ADGRL3: variants seen among roughly 807,000 people sequenced by gnomAD.
The protein encoded by ADGRL3 is adhesion G protein-coupled receptor L3.
In ADGRL3, 62 loss-of-function variants were observed where a neutral mutation model predicts 153.5. The ratio of observed to expected loss-of-function variants is 0.40; its 90% CI spans 0.33 to 0.50. The LOEUF (loss-of-function observed/expected upper bound fraction) is 0.50, where lower values mean the gene tolerates loss of function less well. Ranked by LOEUF, ADGRL3 falls within the 20% of genes least tolerant of loss-of-function variation. The probability of loss-of-function intolerance (pLI) is 0.47; values close to 1 mark genes in which losing one functional copy is unlikely to be tolerated. For synonymous variants in ADGRL3, 710 were observed against 672.5 expected (o/e 1.06, Z -0.86); for missense variants, 1,641 against 1,859.4 (o/e 0.88, Z 2.16).
chr4:61,409,778 A>G (rs2097060857), intron 2 of ADGRL3, among the ~76,000 whole-genome samples: 1 of 152,004 alleles, frequency 6.6e-6, no homozygotes, highest in African/African-American at 2.4e-5. Flanking sequence ...TTGATTTGTA[A>G]GGTTAATCCA....
At chr4:61,442,224 A>T (rs1437740596) in intron 2 of ADGRL3, among the ~76,000 whole-genome samples, 1 of 152,194 alleles carries the variant, frequency 6.6e-6, no homozygotes, top group African/African-American at 2.4e-5. Context: ...GTTATATCTA[A>T]GTTGAACCCT....
chr4:61,825,855 G>T (rs1251656215), intron 9 of ADGRL3, among the ~76,000 whole-genome samples: 1 of 152,114 alleles, frequency 6.6e-6, no homozygotes, highest in African/African-American at 2.4e-5. Context: ...TCATAAAATT[G>T]CTCTGGGGTG....
chr4:61,326,700 G>T (rs2095473597), intron 1 of ADGRL3, among the ~76,000 whole-genome samples: 1 of 151,052 alleles, frequency 6.6e-6, no homozygotes, highest in African/African-American at 2.4e-5. Context: ...CTAAATTTTT[G>T]TTGGAAAATT....
intron 17 of ADGRL3, among the ~76,000 whole-genome samples, chr4:61,959,216 A>G (rs2098978920): frequency 6.6e-6 from 1 of 152,172 alleles, no homozygotes; most frequent in Non-Finnish European, 1.5e-5. Context: ...TTACAGCAGC[A>G]TAAGTTTCAA....
At chr4:61,887,817 C>T (rs1183888751) in intron 9 of ADGRL3, among the ~76,000 whole-genome samples, 2 of 151,846 alleles carry the variant, frequency 1.3e-5, no homozygotes, top group East Asian at 3.9e-4. Context: ...TGCACTCCAG[C>T]TTGGCAACAG....
rs759927990 is a variant in ADGRL3, at chr4:61,912,768, C to T, written c.2112+11C>T. 9 of 1,611,718 alleles carry T rather than the reference C, an allele frequency of 5.6e-6. No homozygotes were observed. The highest frequency in any genetic ancestry group is 3.3e-5 in the South Asian group (3 of 91,030). On this transcript the variant is annotated intron_variant, in intron 13 of 26. Coordinates refer to ENST00000683033, the MANE Select transcript of ADGRL3 (RefSeq NM_001387552.1). Reference sequence around the variant, plus strand: ...AGAGCCTATGTCCAGGTACTTTCTGCGTTTTTATAAATGTGTTAAGTTGTT... The same window carrying T: ...AGAGCCTATGTCCAGGTACTTTCTGTGTTTTTATAAATGTGTTAAGTTGTT...
chr4:61,674,801 T>TG (rs1311924296), intron 5 of ADGRL3, among the ~76,000 whole-genome samples: 1 of 151,978 alleles, frequency 6.6e-6, no homozygotes, highest in Non-Finnish European at 1.5e-5. Flanking sequence ...TCACTTGACT[T>TG]GAAGAGCTTC....
At chr4:61,920,908 C>CG (rs2098765902) in intron 13 of ADGRL3, among the ~76,000 whole-genome samples, 1 of 152,128 alleles carries the variant, frequency 6.6e-6, no homozygotes, top group Admixed American at 6.5e-5. Flanking sequence ...TAGTGTCCAA[C>CG]GATTCTGTGT....
At chr4:61,865,497 A>C (rs186315185) in intron 9 of ADGRL3, among the ~76,000 whole-genome samples, 4 of 152,288 alleles carry the variant, frequency 2.6e-5, no homozygotes, top group Admixed American at 2.0e-4. Flanking sequence ...CTTTATTCTG[A>C]CTGTACCATA....
At chr4:61,903,632 C>T (rs904604608) in intron 11 of ADGRL3, among the ~76,000 whole-genome samples, 11 of 117,370 alleles carry the variant, frequency 9.4e-5, no homozygotes, top group Non-Finnish European at 1.4e-4. Flanking sequence ...TGCTGCTGCA[C>T]TCCAGCTTGG....
intron 1 of ADGRL3, among the ~76,000 whole-genome samples, chr4:61,372,934 G>T (rs537141309): frequency 1.3e-5 from 2 of 151,928 alleles, no homozygotes; most frequent in African/African-American, 2.4e-5. Flanking sequence ...CTCGTGGTGC[G>T]CCCTTTTTTA....
chr4:61,869,699 G>A (rs1439052867), intron 9 of ADGRL3, among the ~76,000 whole-genome samples: 4 of 151,892 alleles, frequency 2.6e-5, no homozygotes, highest in Non-Finnish European at 5.9e-5. Flanking sequence ...AACACTTTGG[G>A]AGGCTGAGGC....
At chr4:61,563,811 C>T (rs573984497) in intron 4 of ADGRL3, among the ~76,000 whole-genome samples, 1 of 152,168 alleles carries the variant, frequency 6.6e-6, no homozygotes, top group African/African-American at 2.4e-5. Context: ...AAATTGAGAC[C>T]ACCCTGGCCA....
intron 4 of ADGRL3, among the ~76,000 whole-genome samples, chr4:61,539,428 G>A (rs143694595): frequency 0.015 from 2,301 of 152,234 alleles, 52 homozygotes; most frequent in African/African-American, 0.052. Flanking sequence ...CATCCCCTAT[G>A]GGTGGCCCTC....
intron 1 of ADGRL3, among the ~76,000 whole-genome samples, chr4:61,244,492 CTCTTA>C (rs1417944349): frequency 6.6e-6 from 1 of 151,884 alleles, no homozygotes; most frequent in African/African-American, 2.4e-5. Context: ...GTGATATGTT[CTCTTA>C]TATGACATGA....
intron 1 of ADGRL3, among the ~76,000 whole-genome samples, chr4:61,288,652 G>C (rs2094042014): frequency 1.3e-5 from 2 of 151,966 alleles, no homozygotes; most frequent in South Asian, 4.1e-4. Flanking sequence ...CAGTTTCTAT[G>C]GTAGGGGCTG....
chr4:61,219,845 C>T (rs1405955602), intron 1 of ADGRL3, among the ~76,000 whole-genome samples: 1 of 152,092 alleles, frequency 6.6e-6, no homozygotes, highest in Non-Finnish European at 1.5e-5. Flanking sequence ...CAGTGGCTCA[C>T]GCCTGTAATC....
At chr4:61,528,316 T>A (rs969466906) in intron 4 of ADGRL3, among the ~76,000 whole-genome samples, 1 of 152,146 alleles carries the variant, frequency 6.6e-6, no homozygotes, top group Admixed American at 6.6e-5. Flanking sequence ...TGTCACTTCC[T>A]CTGGGAAGTC....
chr4:62,023,881 C>G (rs1476079689), intron 21 of ADGRL3, among the ~76,000 whole-genome samples: 1 of 152,130 alleles, frequency 6.6e-6, no homozygotes. Context: ...CAGTATCTCT[C>G]AGGTATGCCT....
Sources: allele counts gnomAD v4.1 joint callset (sites outside exome capture counted in the v4.1 genomes callset), GRCh38; gene constraint gnomAD v4.1.1; transcripts MANE v1.5; gene names NCBI Gene and HGNC (gene_info 2026-07-23, HGNC 2026-07-21).